The following ZGRF1 variants were observed in gnomAD, a reference collection of about 807,000 sequenced individuals.
ZGRF1 encodes the protein 5'-3' DNA helicase ZGRF1.
A neutral mutation model predicts 203.5 loss-of-function variants in ZGRF1; 196 were observed. That is an observed-to-expected ratio of 0.96 (90% CI 0.86 to 1.08). ZGRF1 has a LOEUF of 1.08. Among genes scored for constraint, ZGRF1 ranks in the 50% least tolerant of loss-of-function variants. The pLI is 0.00. For missense variants in ZGRF1, 2,326 were observed against 2,416.3 expected, an observed-to-expected ratio of 0.96 and a Z score of 0.78; for synonymous variants, 809 against 841.3, an observed-to-expected ratio of 0.96 and a Z score of 0.66.
At chr4:112,605,305 T>G (rs1307777075) in intron 9 of ZGRF1, among the ~76,000 whole-genome samples, 1 of 151,986 alleles carries the variant, frequency 6.6e-6, no homozygotes, top group Non-Finnish European at 1.5e-5. Context: ...GGACTACAGG[T>G]GTGTACCACC....
intron 3 of ZGRF1, among the ~76,000 whole-genome samples, chr4:112,625,713 A>G (rs1334340317): frequency 2.6e-5 from 4 of 151,854 alleles, no homozygotes; most frequent in Non-Finnish European, 5.9e-5. Flanking sequence ...CCTGACCAAC[A>G]CGGAGAAACC....
intron 22 of ZGRF1, among the ~76,000 whole-genome samples, chr4:112,550,078 G>C (rs1739630913): frequency 1.3e-5 from 2 of 152,076 alleles, no homozygotes; most frequent in South Asian, 4.2e-4. Flanking sequence ...TGTAGTCCCA[G>C]CTACTTGGGA....
At chr4:112,590,001 G>A in intron 10 of ZGRF1, 127 bp from the exon 11 acceptor site, 1 of 586,752 alleles carries the variant, frequency 1.7e-6, no homozygotes, top group Non-Finnish European at 2.8e-6. Flanking sequence ...AGCTATGGTG[G>A]GGGCAACAAC....
chr4:112,571,308 C>T (rs1744171576), intron 16 of ZGRF1, among the ~76,000 whole-genome samples: 1 of 152,064 alleles, frequency 6.6e-6, no homozygotes, highest in Non-Finnish European at 1.5e-5. Flanking sequence ...AAATACATTG[C>T]TGATCTTCTG....
chr4:112,585,475 A>G (rs1289128229), intron 14 of ZGRF1, 66 bp downstream of exon 14: 4 of 1,276,390 alleles, frequency 3.1e-6, no homozygotes, highest in African/African-American at 3.0e-5. Context: ...ATCATGAAGT[A>G]ATAGGTATCT....
At position 112,539,707 on chromosome 4, in the gene ZGRF1, C is replaced by T; in HGVS notation, c.6173-18G>A. On this transcript the variant is annotated intron_variant, in intron 27 of 27. Transcript: ENST00000505019. ...TTCCCTTCCTTAAAAAAACATACGA[C>T]ATGAGACAACTATTCTTTATTTTAC... is the stretch of plus-strand genomic sequence containing the variant. 1.3e-6 allele frequency: 2 copies of T among 1,586,412 alleles called. No homozygotes were observed. Among genetic ancestry groups the T allele is most frequent in the African/African-American group, 1.4e-5 (1 of 73,616 alleles).
chr4:112,552,186 G>A (rs771404097), intron 22 of ZGRF1, among the ~76,000 whole-genome samples: 1 of 151,864 alleles, frequency 6.6e-6, no homozygotes, highest in Non-Finnish European at 1.5e-5. Flanking sequence ...GCTGAGGCAG[G>A]AGAATTGCTT....
intron 16 of ZGRF1, among the ~76,000 whole-genome samples, chr4:112,577,341 C>A (rs1438401082): frequency 8.2e-6 from 1 of 122,676 alleles, no homozygotes; most frequent in African/African-American, 2.8e-5. Context: ...ATTGTAAAGC[C>A]CGTCGACGCT....
intron 16 of ZGRF1, among the ~76,000 whole-genome samples, chr4:112,566,107 CAAT>C (rs974996046): frequency 6.6e-5 from 10 of 152,096 alleles, no homozygotes; most frequent in African/African-American, 2.4e-4. Flanking sequence ...AAATGTCCAA[CAAT>C]AATAGACTGG....
intron 24 of ZGRF1, chr4:112,546,872 C>T (rs2148828832): frequency 6.5e-6 from 1 of 152,970 alleles, no homozygotes; most frequent in South Asian, 2.1e-4. Flanking sequence ...AAATAAATCT[C>T]TGTTCTCTAT....
intron 3 of ZGRF1, among the ~76,000 whole-genome samples, chr4:112,627,150 T>C (rs1007791266): frequency 2.0e-5 from 3 of 152,222 alleles, no homozygotes; most frequent in African/African-American, 7.2e-5. Context: ...AAAATCTTGA[T>C]TGTTCCCATT....
intron 22 of ZGRF1, among the ~76,000 whole-genome samples, chr4:112,551,436 CT>C (rs1256426212): frequency 1.3e-5 from 2 of 152,118 alleles, no homozygotes; most frequent in Non-Finnish European, 2.9e-5. Flanking sequence ...CTGACCATAC[CT>C]TTTTTCAACA....
At chr4:112,598,050 G>A (rs530542606) in intron 10 of ZGRF1, among the ~76,000 whole-genome samples, 1 of 151,840 alleles carries the variant, frequency 6.6e-6, no homozygotes, top group Non-Finnish European at 1.5e-5. Flanking sequence ...CCTTTCTTTG[G>A]AGGTATTCAA....
intron 16 of ZGRF1, chr4:112,565,130 C>T (rs1200920304): frequency 3.5e-6 from 5 of 1,411,934 alleles, no homozygotes; most frequent in Admixed American, 3.3e-5. Context: ...GGTACTGTGG[C>T]GCTCCGTGAA....
At chr4:112,610,560 G>C (rs1751428655) in intron 7 of ZGRF1, 1 of 151,740 alleles carries the variant, frequency 6.6e-6, no homozygotes, top group South Asian at 2.1e-4. Flanking sequence ...AATAGAGCAA[G>C]ACTCCGTCTC....
In ZGRF1 at chr4:112,617,964, T is replaced by C. The variant is rs761461392; in HGVS notation, c.2078A>G (p.His693Arg). 17 of 1,612,952 alleles carry C rather than the reference T, an allele frequency of 1.1e-5. No individual in the cohort carries two copies. Among genetic ancestry groups the C allele is most frequent in the Non-Finnish European group, 1.4e-5 (17 of 1,179,922 alleles). The part of the protein sequence containing the change: ...KGINMNLHIP[H>R]IQNQIAENSN... ...GTTTTCAGCAATCTGGTTTTGAATA[T>C]GAGGAATATGTAAATTCATGTTTAT... The change falls in exon 6 of 28, where the codon CAT becomes CGT. Residue 693 changes from histidine (H) to arginine (R), a missense_variant. Coordinates refer to ENST00000505019, the MANE Select transcript of ZGRF1 (RefSeq NM_018392.5).
At chr4:112,586,721 A>T (rs1747256779) in intron 12 of ZGRF1, 138 bp from the exon 13 acceptor site, 1 of 705,062 alleles carries the variant, frequency 1.4e-6, no homozygotes, top group African/African-American at 1.8e-5. Context: ...ATTACTTTCA[A>T]ATTTTAAATG....
intron 16 of ZGRF1, among the ~76,000 whole-genome samples, chr4:112,577,110 T>A (rs558915518): frequency 1.3e-5 from 1 of 74,918 alleles, no homozygotes; most frequent in South Asian, 5.4e-4. Context: ...CAGAAGAAAG[T>A]GGGGGCCAAT....
In ZGRF1 at chr4:112,585,618, C is replaced by T. The variant is rs769222058; in HGVS notation, c.4024G>A (p.Ala1342Thr). 15 of 1,611,276 alleles carry T rather than the reference C, an allele frequency of 9.3e-6. No individual in the cohort carries two copies. Among genetic ancestry groups the T allele is most frequent in the East Asian group, 2.2e-5 (1 of 44,638 alleles). Residue 1342 changes from alanine to threonine, a missense_variant, in exon 14 of 28, where the codon GCA (alanine) becomes ACA (threonine). Ala to Thr is a moderately conservative substitution (Grantham distance 58). Coordinates refer to ENST00000505019, the MANE Select transcript of ZGRF1 (RefSeq NM_018392.5). ...TGGCAGGATGGTACATTATTTTCTG[C>T]GTTTTTCAGTTTCTCTCCCTTCAAT... ...TSLKGEKLKN[A>T]ENNVPSCHHS...
Sources: gnomAD v4.1 joint callset for allele counts (sites outside exome capture counted in the v4.1 genomes callset) on GRCh38, gnomAD v4.1.1 for gene constraint, MANE v1.5 for transcripts, NCBI Gene and HGNC (gene_info 2026-07-23, HGNC 2026-07-21) for gene names.